TANGO6: variants seen among roughly 807,000 people sequenced by gnomAD.
TANGO6 encodes the protein transport and golgi organization 6 homolog.
In TANGO6, 90 loss-of-function variants were observed where a neutral mutation model predicts 114.2. That is an observed-to-expected ratio of 0.79 (90% CI 0.66 to 0.94). TANGO6 has a LOEUF of 0.94. TANGO6 is among the 40% of genes least tolerant of loss of function. The pLI is 0.00. For synonymous variants in TANGO6, 477 were observed against 509.8 expected, an observed-to-expected ratio of 0.94 and a Z score of 0.87; for missense variants, 1,274 against 1,315.3, an observed-to-expected ratio of 0.97 and a Z score of 0.49.
chr16:68,852,955 C>T (rs1317757624), intron 1 of TANGO6, among the ~76,000 whole-genome samples: 3 of 152,182 alleles, frequency 2.0e-5, no homozygotes, highest in Non-Finnish European at 2.9e-5. Flanking sequence ...ATCCATTTAT[C>T]CATGCATCAA....
chr16:68,975,322 C>G (rs1316597813), intron 15 of TANGO6, among the ~76,000 whole-genome samples: 1 of 151,750 alleles, frequency 6.6e-6, no homozygotes, highest in Non-Finnish European at 1.5e-5. Flanking sequence ...TATAAGCTGA[C>G]AATAGTAGTT....
At chr16:69,001,757 T>C (rs1228650568) in intron 15 of TANGO6, among the ~76,000 whole-genome samples, 1 of 152,186 alleles carries the variant, frequency 6.6e-6, no homozygotes, top group Admixed American at 6.6e-5. Flanking sequence ...TGCAAAGACG[T>C]TCCCCCGAAG....
intron 4 of TANGO6, chr16:68,867,996 T>C (rs186423866): frequency 0.1 from 12,873 of 129,236 alleles, 713 homozygotes; most frequent in Non-Finnish European, 0.14. Flanking sequence ...AAAAAAAAAA[T>C]AGCCAGGTAT....
chr16:69,070,492 G>T (rs975304356), intron 17 of TANGO6, among the ~76,000 whole-genome samples: 1 of 151,030 alleles, frequency 6.6e-6, no homozygotes, highest in African/African-American at 2.4e-5. Flanking sequence ...AATTAGCCAG[G>T]CATGGAAGTG....
chr16:68,879,375 C>G (rs896769173), intron 6 of TANGO6, among the ~76,000 whole-genome samples: 1 of 150,676 alleles, frequency 6.6e-6, no homozygotes, highest in Non-Finnish European at 1.5e-5. Context: ...CCCAGCTGCT[C>G]GGGAAGCTGA....
At chr16:69,047,798 CTAATA>C (rs1420062004) in intron 17 of TANGO6, among the ~76,000 whole-genome samples, 6 of 152,008 alleles carry the variant, frequency 3.9e-5, no homozygotes, top group South Asian at 4.1e-4. Flanking sequence ...TTTATAGTGG[CTAATA>C]TAATATATAG....
chr16:68,912,795 A>G (rs1477171319), intron 11 of TANGO6, among the ~76,000 whole-genome samples: 3 of 150,322 alleles, frequency 2.0e-5, no homozygotes, highest in East Asian at 2.0e-4. Context: ...GTAATAGCCG[A>G]CCAGGTGTGG....
intron 15 of TANGO6, among the ~76,000 whole-genome samples, chr16:68,991,588 C>G (rs1241526566): frequency 6.6e-6 from 1 of 152,108 alleles, no homozygotes; most frequent in Admixed American, 6.6e-5. Context: ...TTGCAGTGAG[C>G]CAAGATCGCA....
At chr16:68,860,571 A>G in intron 2 of TANGO6, 47 bp downstream of exon 2, 1 of 1,589,266 alleles carries the variant, frequency 6.3e-7, no homozygotes, top group Non-Finnish European at 8.6e-7. Flanking sequence ...TGTGTGTATG[A>G]ATGTGTGTAT....
chr16:68,898,226 A>G (rs556069163), intron 7 of TANGO6, among the ~76,000 whole-genome samples: 3 of 152,174 alleles, frequency 2.0e-5, no homozygotes, highest in Non-Finnish European at 2.9e-5. Flanking sequence ...TGTACACAGC[A>G]CTTCATTTAG....
At chr16:69,046,446 G>A (rs1204732841) in intron 17 of TANGO6, among the ~76,000 whole-genome samples, 1 of 151,772 alleles carries the variant, frequency 6.6e-6, no homozygotes, top group Non-Finnish European at 1.5e-5. Context: ...AGCCTCCCTA[G>A]TAGCTGGGAT....
intron 15 of TANGO6, among the ~76,000 whole-genome samples, chr16:69,012,674 T>C (rs906160723): frequency 2.1e-4 from 32 of 151,806 alleles, no homozygotes; most frequent in African/African-American, 7.7e-4. Flanking sequence ...TGTTGTAGTC[T>C]GTAATGAATG....
chr16:69,008,836 C>A (rs995279667), intron 15 of TANGO6, among the ~76,000 whole-genome samples: 6 of 151,624 alleles, frequency 4.0e-5, no homozygotes, highest in African/African-American at 1.5e-4. Context: ...AGAGATGGGG[C>A]TTTGCCATGT....
At chr16:68,883,903 G>C (rs1022945710) in intron 7 of TANGO6, among the ~76,000 whole-genome samples, 17 of 151,994 alleles carry the variant, frequency 1.1e-4, no homozygotes, top group Non-Finnish European at 2.1e-4. Context: ...ATTCTCCATA[G>C]CATTCACTTT....
intron 15 of TANGO6, among the ~76,000 whole-genome samples, chr16:68,995,309 G>A (rs1425544333): frequency 6.6e-6 from 1 of 152,096 alleles, no homozygotes; most frequent in Non-Finnish European, 1.5e-5. Context: ...TCAACAATTA[G>A]CCTTAGGGAG....
At chr16:69,034,266 C>T (rs992917445) in intron 16 of TANGO6, 2 of 153,572 alleles carry the variant, frequency 1.3e-5, no homozygotes, top group Non-Finnish European at 2.9e-5. Context: ...GGCATCATCT[C>T]GACTCCTGTG....
chr16:69,025,920 T>A (rs1959493891), intron 16 of TANGO6: 1 of 225,936 alleles, frequency 4.4e-6, no homozygotes, highest in South Asian at 8.3e-5. Flanking sequence ...AATCTTAAAC[T>A]TCTTCTATTT....
intron 16 of TANGO6, chr16:69,033,851 G>A: frequency 6.2e-6 from 1 of 162,368 alleles, no homozygotes; most frequent in East Asian, 1.4e-4. Context: ...CACCAAGCTG[G>A]TCCCTCTGGT....
At chr16:68,965,113 T>C (rs940482156) in intron 14 of TANGO6, among the ~76,000 whole-genome samples, 8 of 152,226 alleles carry the variant, frequency 5.3e-5, no homozygotes, top group Admixed American at 1.3e-4. Context: ...TTCTTATGAA[T>C]GCAAGACATT....
Sources: allele counts gnomAD v4.1 joint callset (sites outside exome capture counted in the v4.1 genomes callset), GRCh38; gene constraint gnomAD v4.1.1; transcripts MANE v1.5; gene names NCBI Gene and HGNC (gene_info 2026-07-23, HGNC 2026-07-21).